The following NLRP7 variants were observed in gnomAD, a reference collection of about 807,000 sequenced individuals.
The protein encoded by NLRP7 is NLR family pyrin domain containing 7.
Under a neutral mutation model 85.5 loss-of-function variants are expected in NLRP7, and 72 were observed. The ratio of observed to expected loss-of-function variants is 0.84; its 90% confidence interval spans 0.70 to 1.02. The LOEUF (loss-of-function observed/expected upper bound fraction) is 1.02. Among genes scored for constraint, NLRP7 ranks in the 50% least tolerant of loss-of-function variants. The pLI is 0.00. For synonymous variants in NLRP7, 550 were observed against 505.2 expected (o/e 1.09, Z -1.19); for missense variants, 1,243 against 1,219.5 (o/e 1.02, Z -0.29).
Position 54,934,500 on chromosome 19 carries a change from C to G in NLRP7, c.2460G>C (p.Leu820=), listed in dbSNP as rs1387016252. 3.1e-6 allele frequency: 5 copies of G among 1,614,038 alleles called. No individual in the cohort carries two copies. Among genetic ancestry groups the G allele is most frequent in the Non-Finnish European group, 4.2e-6 (5 of 1,180,018 alleles). ...AAGAGGAGACTTACGACAACATCTG[C>G]AGGAAGTGTTTTGGGCGTGTCATGG... is the stretch of plus-strand genomic sequence containing the variant. Residue 820 remains leucine (L), a synonymous_variant, in exon 7 of 10, where the codon CTG becomes CTC. Transcript: ENST00000340844. The surrounding 1 kb of genome is among the most constrained non-coding windows in gnomAD (Gnocchi z 6.7).
At position 54,934,534 on chromosome 19, in the gene NLRP7, A is replaced by G. The variant is rs754189651; in HGVS notation, c.2426T>C (p.Leu809Pro). ...TTTTGGGCGTGTCATGGTCTTGTAC[A>G]GCAACATGGCACCCTCATCCAGGAG... Residue 809 changes from leucine (L) to proline (P), a missense_variant, in exon 7 of 10, where the codon CTG becomes CCG. Around this residue, in one of 3 missense-constraint regions of NLRP7, gnomAD observed 613 missense variants for 588.4 expected, o/e 1.04. Coordinates refer to ENST00000340844, the Ensembl canonical transcript of NLRP7. The surrounding 1 kb of genome is among the most constrained non-coding windows in gnomAD (Gnocchi z 6.7). 2 of 1,614,170 alleles carry G rather than the reference A, an allele frequency of 1.2e-6. No individual in the cohort carries two copies. Among genetic ancestry groups the G allele is most frequent in the Admixed American group, 1.7e-5 (1 of 60,006 alleles).
At chr19:54,930,609 T>G in exon 9 of NLRP7, 3 of 1,612,738 alleles carry the variant, frequency 1.9e-6, no homozygotes, top group Non-Finnish European at 2.5e-6. Context: ...TGCAGGCTTC[T>G]TGGAGCGCCT....
chr19:54,935,668 G>A (rs569382528), intron 6 of NLRP7, among the ~76,000 whole-genome samples: 3 of 150,644 alleles, frequency 2.0e-5, no homozygotes, highest in Non-Finnish European at 4.4e-5. Context: ...CTCCAGCCTG[G>A]GTGACAAGAA....
chr19:54,932,382 T>C (rs1354899739), intron 8 of NLRP7, among the ~76,000 whole-genome samples: 2 of 149,634 alleles, frequency 1.3e-5, no homozygotes, highest in African/African-American at 2.5e-5. Context: ...CAGCCAAGAT[T>C]ACACCACTGC....
chr19:54,930,091 G>T (rs11671162), intron 9 of NLRP7, among the ~76,000 whole-genome samples: 76,921 of 140,552 alleles, frequency 0.55, 21,488 homozygotes, highest in East Asian at 0.71. Context: ...CTCCAGCCTG[G>T]GCAACTAGAA....
chr19:54,935,180 T>C (rs1178845583), intron 6 of NLRP7, among the ~76,000 whole-genome samples: 1 of 151,944 alleles, frequency 6.6e-6, no homozygotes, highest in African/African-American at 2.4e-5. Context: ...AATACAATTC[T>C]GTGCAATGTT....
chr19:54,925,265 A>G (rs1385970219), intron 9 of NLRP7, among the ~76,000 whole-genome samples: 1 of 152,176 alleles, frequency 6.6e-6, no homozygotes, highest in Non-Finnish European at 1.5e-5. Context: ...CCTTGGTGGC[A>G]TTACAGACCT....
chr19:54,935,144 A>T (rs1180148460), intron 6 of NLRP7, among the ~76,000 whole-genome samples: 4 of 152,102 alleles, frequency 2.6e-5, no homozygotes, highest in Non-Finnish European at 5.9e-5. Flanking sequence ...TTAGGGTAAC[A>T]TCCAGCCACT....
In NLRP7 at chr19:54,939,842, T is replaced by A. The variant is rs146193856; in HGVS notation, c.977A>T (p.Glu326Val). The A allele has an allele frequency of 1.0e-4, 167 of 1,613,858 alleles. No homozygotes were observed. The highest frequency in any genetic ancestry group is 3.3e-4 in the Middle Eastern group (2 of 6,080). The change falls in exon 4 of 10, where the codon GAG becomes GTG. Residue 326 changes from glutamate to valine, a missense_variant. Physicochemically the swap from Glu to Val is moderately radical, Grantham distance 121. Coordinates refer to ENST00000340844, the Ensembl canonical transcript of NLRP7. Reference sequence around the variant, plus strand: ...CAGGAAATAGGCCCTCCTGTCCTCCTCCAGGAAGCCCTCCACCCTTACGTA... The same window carrying A: ...CAGGAAATAGGCCCTCCTGTCCTCCACCAGGAAGCCCTCCACCCTTACGTA...
chr19:54,936,352 T>C, exon 6 of NLRP7: 1 of 1,613,904 alleles, frequency 6.2e-7, no homozygotes, highest in South Asian at 1.1e-5. Context: ...CCTGCCAGGG[T>C]CAGGTGCGTG....
rs944713840 is a variant in NLRP7, at chr19:54,927,020, A to G, written c.2811-3148T>C. 2.6e-5 allele frequency among the ~76,000 whole-genome samples: 4 copies of G among 151,096 alleles called. No homozygotes were observed. The East Asian group carries it at 5.9e-4, about 22-fold the overall frequency. ...CAGGAAAATCGCTTCAACCTGTGAG[A>G]AGGAGGCTGCAGTGAGTCAAGATCG... On this transcript the variant is annotated intron_variant, in intron 9 of 9. Transcript: ENST00000340844.
At chr19:54,953,677 A>G (rs889358281) in intron 1 of NLRP7, among the ~76,000 whole-genome samples, 6 of 151,802 alleles carry the variant, frequency 4.0e-5, no homozygotes, top group African/African-American at 1.5e-4. Context: ...GCATAAGACA[A>G]TATGAGGGGT....
exon 10 of NLRP7, chr19:54,923,560 C>T: frequency 9.9e-6 from 7 of 710,176 alleles, no homozygotes; most frequent in South Asian, 9.5e-5. Flanking sequence ...TACATAGCGT[C>T]ATGTGAAGGG....
rs918626894 is a variant in NLRP7 at position 54,945,099 on chromosome 19, C to T, written c.-40+2370G>A. Among the ~76,000 whole-genome samples the T allele has an allele frequency of 4.5e-4, 68 of 151,494 alleles. 1 individual carries two copies. The highest frequency in any genetic ancestry group is 1.4e-3 in the African/African-American group (60 of 41,392). On this transcript the variant is annotated intron_variant, in intron 1 of 9. Transcript: ENST00000340844. ...CTAAAAATACAAAAAAAAAATTAGC[C>T]GGGCATGGTGGCGGGCGCCTGTAGT...
chr19:54,958,380 G>A (rs1266910525), intron 1 of NLRP7, among the ~76,000 whole-genome samples: 2 of 151,786 alleles, frequency 1.3e-5, no homozygotes, highest in East Asian at 1.9e-4. Flanking sequence ...AGTGGCTCAC[G>A]CCTCTAATCC....
At chr19:54,939,323 T>A (rs768987342) in exon 4 of NLRP7, 1 of 1,614,044 alleles carries the variant, frequency 6.2e-7, no homozygotes, top group Admixed American at 1.7e-5. Flanking sequence ...CTTCTGTACG[T>A]CCCCGATGTC....
At chr19:54,928,056 C>T (rs2068522451) in intron 9 of NLRP7, among the ~76,000 whole-genome samples, 1 of 152,116 alleles carries the variant, frequency 6.6e-6, no homozygotes, top group African/African-American at 2.4e-5. Context: ...GGCAAAACCC[C>T]ATCTCTACAA....
intron 6 of NLRP7, among the ~76,000 whole-genome samples, chr19:54,935,946 G>A (rs117876510): frequency 3.3e-3 from 499 of 152,172 alleles, no homozygotes; most frequent in Non-Finnish European, 5.2e-3. Context: ...ACCGGCCCGC[G>A]GTGCAGAAAA....
intron 1 of NLRP7, among the ~76,000 whole-genome samples, chr19:54,959,330 G>T (rs1295960724): frequency 6.9e-6 from 1 of 144,792 alleles, no homozygotes; most frequent in South Asian, 2.2e-4. Context: ...ATAGAGACGG[G>T]GTTTCACCAT....
Sources: allele counts gnomAD v4.1 joint callset (sites outside exome capture counted in the v4.1 genomes callset), GRCh38; gene constraint gnomAD v4.1.1; regional missense constraint gnomAD v4.1.1; non-coding constraint Gnocchi (gnomAD v3.1); transcripts MANE v1.5; gene names NCBI Gene and HGNC (gene_info 2026-07-23, HGNC 2026-07-21).